CENPW: variants seen among roughly 807,000 people sequenced by gnomAD.
The protein encoded by CENPW is cancer-up-regulated gene 2 protein.
In CENPW, 3 loss-of-function variants were observed where a neutral mutation model predicts 11.1. The observed-to-expected ratio is 0.27, with a 90% confidence interval of 0.12 to 0.70. CENPW has a LOEUF of 0.70. Ranked by LOEUF, CENPW falls within the 30% of genes least tolerant of loss-of-function variation. The pLI, the probability that CENPW is intolerant of heterozygous loss-of-function variation, is 0.77. For missense variants in CENPW, 100 were observed against 105.6 expected (o/e 0.95, Z 0.23); for synonymous variants, 38 against 42.0 (o/e 0.91, Z 0.37).
chr6:126,477,601 T>C, the CENPW span, among the ~76,000 whole-genome samples: 5 of 152,010 alleles, frequency 3.3e-5, no homozygotes, highest in Non-Finnish European at 5.9e-5. Flanking sequence ...CTCAAATGAC[T>C]TACTCAATTT....
At chr6:126,416,538 G>T in the CENPW span, among the ~76,000 whole-genome samples, 1 of 152,170 alleles carries the variant, frequency 6.6e-6, no homozygotes, top group African/African-American at 2.4e-5. Flanking sequence ...CAAGCCCAGG[G>T]TCCAGGAGGA....
intron 1 of CENPW, among the ~76,000 whole-genome samples, chr6:126,343,214 C>G (rs1185788635): frequency 6.6e-6 from 1 of 152,084 alleles, no homozygotes; most frequent in Non-Finnish European, 1.5e-5. Context: ...TTACCTTTTT[C>G]AAGTTAGAAT....
In CENPW at chr6:126,348,472, C is replaced by G; in HGVS notation, c.247C>G (p.Leu83Val). 7.1e-7 allele frequency: 1 copy of G among 1,404,490 alleles called. No homozygotes were observed. Among genetic ancestry groups the G allele is most frequent in the Non-Finnish European group, 1.0e-6 (1 of 992,970 alleles). The allele number at this position is 1,404,490 out of a possible 1,614,324, so 87.0% of individuals were successfully genotyped here. ...ATTTTTTTCCCTCTTACAGGTAATT[C>G]TAAAGAAGAGCAGAGGTTAGAAGTC... ...EHVLAAAKVI[L>V]KKSRG The change falls in exon 3 of 3, where the codon CTA becomes GTA. Residue 83 changes from leucine to valine, a missense_variant. Transcript: ENST00000368328.
the CENPW span, among the ~76,000 whole-genome samples, chr6:126,452,917 G>T: frequency 2.0e-5 from 3 of 151,004 alleles, no homozygotes; most frequent in African/African-American, 7.3e-5. Context: ...GAGGAACAAT[G>T]ATTTGACTTT....
At chr6:126,346,539 T>A (rs1173410336) in intron 2 of CENPW, among the ~76,000 whole-genome samples, 1 of 152,200 alleles carries the variant, frequency 6.6e-6, no homozygotes, top group African/African-American at 2.4e-5. Context: ...AGAGGAAACA[T>A]TCATGTTCCT....
At chr6:126,354,537 C>T in the CENPW span, among the ~76,000 whole-genome samples, 2 of 152,208 alleles carry the variant, frequency 1.3e-5, no homozygotes, top group South Asian at 4.1e-4. Flanking sequence ...TTGCACCCAC[C>T]TAATACAAAA....
At chr6:126,450,644 A>T in the CENPW span, among the ~76,000 whole-genome samples, 1 of 150,980 alleles carries the variant, frequency 6.6e-6, no homozygotes, top group Non-Finnish European at 1.5e-5. Flanking sequence ...CAACTCATGG[A>T]AAGGCATGCT....
At chr6:126,438,416 A>G in the CENPW span, among the ~76,000 whole-genome samples, 1,522 of 151,862 alleles carry the variant, frequency 0.01, 11 homozygotes, top group Non-Finnish European at 0.016. Flanking sequence ...TCTGATCTCA[A>G]CATGACACAG....
the CENPW span, among the ~76,000 whole-genome samples, chr6:126,392,569 G>A: frequency 6.6e-6 from 1 of 151,822 alleles, no homozygotes; most frequent in South Asian, 2.1e-4. Context: ...TGATCATATG[G>A]TTTTAGTCCT....
chr6:126,378,371 A>G, the CENPW span, among the ~76,000 whole-genome samples: 2 of 152,000 alleles, frequency 1.3e-5, no homozygotes, highest in African/African-American at 2.4e-5. Context: ...TTGTTATAGT[A>G]CCATAAAACC....
chr6:126,392,291 G>A, the CENPW span, among the ~76,000 whole-genome samples: 1 of 151,550 alleles, frequency 6.6e-6, no homozygotes, highest in Non-Finnish European at 1.5e-5. Flanking sequence ...GTTTGCAGTT[G>A]GCATATAAAA....
the CENPW span, among the ~76,000 whole-genome samples, chr6:126,374,321 A>G: frequency 6.6e-6 from 1 of 152,212 alleles, no homozygotes. Flanking sequence ...GTGTTCTTTA[A>G]CAATAGCAAA....
the CENPW span, among the ~76,000 whole-genome samples, chr6:126,424,533 A>G: frequency 2.2e-4 from 33 of 152,254 alleles, no homozygotes; most frequent in African/African-American, 7.2e-4. Flanking sequence ...TTAAGACCAC[A>G]CAGTTAGCCT....
the CENPW span, among the ~76,000 whole-genome samples, chr6:126,421,723 G>A: frequency 6.6e-6 from 1 of 151,692 alleles, no homozygotes; most frequent in East Asian, 1.9e-4. Context: ...CTATTAAGTT[G>A]GCATCTCTAT....
At chr6:126,351,873 A>T (rs1473279444), downstream of CENPW, among the ~76,000 whole-genome samples, 1 of 152,020 alleles carries the variant, frequency 6.6e-6, no homozygotes, top group Non-Finnish European at 1.5e-5. Flanking sequence ...CAGTATTTTA[A>T]TCTTGACAAT....
chr6:126,406,808 C>A, the CENPW span, among the ~76,000 whole-genome samples: 7 of 151,704 alleles, frequency 4.6e-5, no homozygotes, highest in East Asian at 1.4e-3. Flanking sequence ...GCCAAGATTG[C>A]ACCACTGCAC....
At chr6:126,356,214 A>G in the CENPW span, among the ~76,000 whole-genome samples, 1 of 152,208 alleles carries the variant, frequency 6.6e-6, no homozygotes, top group Non-Finnish European at 1.5e-5. Flanking sequence ...GGATGCATCC[A>G]AGCCCTAACT....
chr6:126,456,437 A>G, the CENPW span, among the ~76,000 whole-genome samples: 1 of 151,634 alleles, frequency 6.6e-6, no homozygotes, highest in East Asian at 1.9e-4. Flanking sequence ...AGAGTCAACA[A>G]AAACAAACAA....
the CENPW span, among the ~76,000 whole-genome samples, chr6:126,370,688 A>G: frequency 6.6e-6 from 1 of 151,566 alleles, no homozygotes; most frequent in Non-Finnish European, 1.5e-5. Flanking sequence ...TTTTCTAGGT[A>G]TACGATCATA....
Sources: gnomAD v4.1 joint callset for allele counts (sites outside exome capture counted in the v4.1 genomes callset) on GRCh38, gnomAD v4.1.1 for gene constraint, MANE v1.5 for transcripts, NCBI Gene and HGNC (gene_info 2026-07-23, HGNC 2026-07-21) for gene names.